Variants in KAZN observed in about 807,000 individuals in gnomAD.
The protein encoded by KAZN is kazrin.
A neutral mutation model predicts 87.4 loss-of-function variants in KAZN; 40 were observed. The ratio of observed to expected loss-of-function variants is 0.46; its 90% CI spans 0.36 to 0.60. The LOEUF is 0.60. Ranked by LOEUF, KAZN falls within the 20% of genes least tolerant of loss-of-function variation. The pLI, the probability that KAZN is intolerant of heterozygous loss-of-function variation, is 0.00. For synonymous variants in KAZN, 466 were observed against 458.3 expected (o/e 1.02, Z -0.22); for missense variants, 898 against 1,073.9 (o/e 0.84, Z 2.29).
chr1:14,862,969 C>T (rs1036710331), intron 1 of KAZN, among the ~76,000 whole-genome samples: 2 of 152,200 alleles, frequency 1.3e-5, no homozygotes, highest in Non-Finnish European at 2.9e-5. Flanking sequence ...AGAAGTTACC[C>T]GCAAAGCTGA....
chr1:15,001,454 A>G (rs534217714), intron 2 of KAZN, among the ~76,000 whole-genome samples: 62 of 151,114 alleles, frequency 4.1e-4, no homozygotes, highest in Middle Eastern at 3.4e-3. Flanking sequence ...CGACCGAGCG[A>G]AAATCTGTCT....
At chr1:14,924,671 A>G in intron 1 of KAZN, 1 of 678,188 alleles carries the variant, frequency 1.5e-6, no homozygotes, top group Non-Finnish European at 1.8e-6. Context: ...GGGATCGGGA[A>G]GCCGCTGGTG....
chr1:14,084,242 A>T (rs1045191293), intron 1 of KAZN, among the ~76,000 whole-genome samples: 2 of 152,190 alleles, frequency 1.3e-5, no homozygotes, highest in Non-Finnish European at 2.9e-5. Flanking sequence ...AGTTGAGATG[A>T]ACAGGAGTGA....
At chr1:15,057,738 G>A (rs541862053) in intron 5 of KAZN, among the ~76,000 whole-genome samples, 2 of 152,364 alleles carry the variant, frequency 1.3e-5, no homozygotes, top group East Asian at 1.9e-4. Context: ...CTTGTTCAGA[G>A]TCTCACAGCC....
At chr1:14,907,000 GGGCATGGT>G (rs1464605213) in intron 1 of KAZN, among the ~76,000 whole-genome samples, 1 of 151,878 alleles carries the variant, frequency 6.6e-6, no homozygotes, top group Non-Finnish European at 1.5e-5. Flanking sequence ...TCGCTACTCA[GGGCATGGT>G]GGCGGGTACT....
intron 2 of KAZN, among the ~76,000 whole-genome samples, chr1:14,434,212 G>A (rs1278542631): frequency 6.6e-6 from 1 of 151,996 alleles, no homozygotes; most frequent in Admixed American, 6.6e-5. Context: ...TTTCCAGTTT[G>A]GGGCTATCAT....
chr1:14,087,835 G>A (rs1643889600), intron 1 of KAZN, among the ~76,000 whole-genome samples: 1 of 151,858 alleles, frequency 6.6e-6, no homozygotes, highest in Non-Finnish European at 1.5e-5. Context: ...AGAATAAATT[G>A]CTGAATTTCA....
chr1:14,279,950 C>A (rs1652709307), intron 2 of KAZN, among the ~76,000 whole-genome samples: 1 of 152,080 alleles, frequency 6.6e-6, no homozygotes, highest in African/African-American at 2.4e-5. Flanking sequence ...GAAGGTGAGT[C>A]ACTGTTAGGG....
intron 1 of KAZN, among the ~76,000 whole-genome samples, chr1:14,102,909 TCTC>T (rs1334366683): frequency 2.2e-5 from 3 of 135,486 alleles, no homozygotes; most frequent in Non-Finnish European, 4.8e-5. Flanking sequence ...AATACTAATC[TCTC>T]TCTTTTTTTT....
intron 1 of KAZN, among the ~76,000 whole-genome samples, chr1:14,730,306 A>G (rs1643620345): frequency 6.6e-6 from 1 of 151,832 alleles, no homozygotes; most frequent in African/African-American, 2.4e-5. Context: ...CTGGTCTCGA[A>G]CTCCTGACCT....
At chr1:14,710,861 C>T (rs983543227) in intron 1 of KAZN, among the ~76,000 whole-genome samples, 2 of 152,140 alleles carry the variant, frequency 1.3e-5, no homozygotes, top group Non-Finnish European at 2.9e-5. Context: ...GGGAACAGTG[C>T]CTGGCATATA....
chr1:14,517,090 G>A (rs1027582030), intron 2 of KAZN, among the ~76,000 whole-genome samples: 25 of 152,020 alleles, frequency 1.6e-4, no homozygotes, highest in African/African-American at 5.1e-4. Flanking sequence ...ACAGAGAGAG[G>A]CATAATACCT....
At position 14,928,890 on chromosome 1, in the gene KAZN, T is replaced by C. The variant is rs538123222; in HGVS notation, c.227-31794T>C. 6.6e-5 allele frequency among the ~76,000 whole-genome samples: 10 copies of C among 152,322 alleles called. No individual in the cohort carries two copies. In the South Asian group the frequency reaches 1.2e-3, roughly 19 times the overall value. ...GCACCCTCTGCCCTCCACCCTGTGT[T>C]GTGGTCCAGTGTGATGGACTGAACT... On this transcript the variant is annotated intron_variant, in intron 1 of 14. Transcript: ENST00000376030.
chr1:14,714,147 G>T (rs1466868583), intron 1 of KAZN, among the ~76,000 whole-genome samples: 1 of 152,090 alleles, frequency 6.6e-6, no homozygotes, highest in Non-Finnish European at 1.5e-5. Flanking sequence ...TTGGGTGCAG[G>T]TCCCTGCAGT....
chr1:14,806,955 CA>C (rs1164010323), intron 1 of KAZN, among the ~76,000 whole-genome samples: 1 of 152,236 alleles, frequency 6.6e-6, no homozygotes, highest in Non-Finnish European at 1.5e-5. Flanking sequence ...AGCTTTGTGT[CA>C]GGACTCCCTT....
At chr1:14,529,513 G>C (rs867057703) in intron 2 of KAZN, among the ~76,000 whole-genome samples, 2 of 152,328 alleles carry the variant, frequency 1.3e-5, no homozygotes, top group Middle Eastern at 3.4e-3. Context: ...CTTTGTGTGA[G>C]AGAAGAGTGT....
chr1:15,010,640 C>T (rs1669487770), intron 2 of KAZN, among the ~76,000 whole-genome samples: 1 of 152,142 alleles, frequency 6.6e-6, no homozygotes, highest in African/African-American at 2.4e-5. Flanking sequence ...GATCACCCAC[C>T]TTGGCCTCCC....
chr1:14,957,737 G>A (rs2101750108), intron 1 of KAZN, among the ~76,000 whole-genome samples: 1 of 152,352 alleles, frequency 6.6e-6, no homozygotes, highest in South Asian at 2.1e-4. Flanking sequence ...GGTGTGGCGA[G>A]TCTAGCGCCT....
intron 1 of KAZN, chr1:14,929,861 G>C: frequency 2.0e-6 from 2 of 985,210 alleles, no homozygotes; most frequent in Non-Finnish European, 2.4e-6. Context: ...CCCTTGTGGC[G>C]GCTTCTATGA....
Sources: gnomAD v4.1 joint callset for allele counts (sites outside exome capture counted in the v4.1 genomes callset) on GRCh38, gnomAD v4.1.1 for gene constraint, MANE v1.5 for transcripts, NCBI Gene and HGNC (gene_info 2026-07-23, HGNC 2026-07-21) for gene names.